The following NLGN1 variants were observed in gnomAD, a reference collection of about 807,000 sequenced individuals.
NLGN1 encodes neuroligin-1.
Under a neutral mutation model 65.5 loss-of-function variants are expected in NLGN1, and 12 were observed. The observed-to-expected ratio is 0.18, with a 90% CI of 0.12 to 0.30. The LOEUF (loss-of-function observed/expected upper bound fraction) is 0.30, where lower values mean the gene tolerates loss of function less well. Among genes scored for constraint, NLGN1 ranks in the 10% least tolerant of loss-of-function variants. The pLI is 1.00. For missense variants in NLGN1, 750 were observed against 1,007.1 expected, an observed-to-expected ratio of 0.74 and a Z score of 3.46; for synonymous variants, 350 against 359.5, an observed-to-expected ratio of 0.97 and a Z score of 0.30.
At chr3:173,957,069 A>G (rs1030983096) in intron 4 of NLGN1, among the ~76,000 whole-genome samples, 4 of 152,208 alleles carry the variant, frequency 2.6e-5, no homozygotes, top group African/African-American at 9.6e-5. Flanking sequence ...CAGAATTATG[A>G]TGCATATTAT....
At chr3:174,210,263 A>G (rs964799692) in intron 4 of NLGN1, among the ~76,000 whole-genome samples, 2 of 152,124 alleles carry the variant, frequency 1.3e-5, no homozygotes, top group African/African-American at 4.8e-5. Context: ...TACCACATTT[A>G]CTTTCTTATT....
intron 2 of NLGN1, among the ~76,000 whole-genome samples, chr3:173,562,080 A>G (rs1481089939): frequency 1.3e-5 from 2 of 152,220 alleles, no homozygotes; most frequent in African/African-American, 4.8e-5. Flanking sequence ...TTAGACAGCA[A>G]GAATAACGTG....
At chr3:174,185,899 A>T (rs1376882311) in intron 4 of NLGN1, among the ~76,000 whole-genome samples, 1 of 151,922 alleles carries the variant, frequency 6.6e-6, no homozygotes, top group Non-Finnish European at 1.5e-5. Context: ...CCACTATTTT[A>T]TACTGTCTTA....
intron 3 of NLGN1, among the ~76,000 whole-genome samples, chr3:173,791,206 G>A (rs1578448942): frequency 1.3e-5 from 2 of 152,284 alleles, no homozygotes; most frequent in Middle Eastern, 6.8e-3. Context: ...AATTGGCCCA[G>A]CCAAAGCAAC....
chr3:173,550,028 A>C (rs1315325951), intron 2 of NLGN1, among the ~76,000 whole-genome samples: 1 of 152,076 alleles, frequency 6.6e-6, no homozygotes, highest in African/African-American at 2.4e-5. Context: ...CAACTGAGTT[A>C]AACTCTGAAA....
At chr3:173,896,983 C>G (rs1277499025) in intron 4 of NLGN1, among the ~76,000 whole-genome samples, 6 of 152,210 alleles carry the variant, frequency 3.9e-5, no homozygotes, top group African/African-American at 1.4e-4. Flanking sequence ...CCCTCAACAC[C>G]TCACTATAAA....
intron 2 of NLGN1, among the ~76,000 whole-genome samples, chr3:173,447,947 T>A (rs575750111): frequency 6.6e-6 from 1 of 152,196 alleles, no homozygotes; most frequent in South Asian, 2.1e-4. Context: ...GCTTATCAGC[T>A]AAGGAGATTT....
rs1438188209 is a variant in NLGN1, at chr3:173,493,782, CAAAT to C, written c.-321+58706_-321+58709del. On this transcript the variant is annotated intron_variant, in intron 2 of 6. Transcript: ENST00000457714. ...GATAGTCAACAACTATTCTATGAAACAAATACACATAGAAAAAGATTTGACATGT... is the reference window on the plus strand; with the variant it reads ...GATAGTCAACAACTATTCTATGAAACACACATAGAAAAAGATTTGACATGT... Among the ~76,000 whole-genome samples the C allele has an allele frequency of 5.3e-5, 8 of 151,446 alleles. 1 individual carries two copies. Among genetic ancestry groups the C allele is most frequent in the African/African-American group, 2.0e-4 (8 of 40,980 alleles).
At chr3:173,445,041 G>C (rs1304414841) in intron 2 of NLGN1, among the ~76,000 whole-genome samples, 2 of 151,588 alleles carry the variant, frequency 1.3e-5, no homozygotes, top group African/African-American at 4.8e-5. Flanking sequence ...GGCCGAGGCG[G>C]GCGGATCACG....
chr3:173,670,395 G>T (rs1490583104), intron 3 of NLGN1, among the ~76,000 whole-genome samples: 2 of 152,078 alleles, frequency 1.3e-5, no homozygotes, highest in Non-Finnish European at 2.9e-5. Context: ...GTTTACAGGA[G>T]GATTATGAAG....
chr3:173,807,798 C>T (rs148161018), exon 4 of NLGN1: 12 of 1,613,210 alleles, frequency 7.4e-6, no homozygotes, highest in East Asian at 2.2e-5. Context: ...GCAATGTGAT[C>T]GTCATCACAG....
chr3:173,649,442 A>G (rs557558205), intron 3 of NLGN1, among the ~76,000 whole-genome samples: 13 of 152,208 alleles, frequency 8.5e-5, no homozygotes, highest in African/African-American at 3.1e-4. Context: ...GTCAAAACAT[A>G]TCAAATTACA....
At chr3:173,867,602 T>A (rs1730411286) in intron 4 of NLGN1, among the ~76,000 whole-genome samples, 1 of 152,062 alleles carries the variant, frequency 6.6e-6, no homozygotes, top group Non-Finnish European at 1.5e-5. Context: ...CATGGCATGT[T>A]AGTAAATTAA....
At chr3:174,184,549 T>C (rs1164771930) in intron 4 of NLGN1, among the ~76,000 whole-genome samples, 2 of 152,156 alleles carry the variant, frequency 1.3e-5, no homozygotes, top group Non-Finnish European at 2.9e-5. Flanking sequence ...ATAAGTTCAA[T>C]ATGTGTTGAA....
intron 4 of NLGN1, among the ~76,000 whole-genome samples, chr3:174,099,286 C>T (rs749539871): frequency 3.3e-5 from 5 of 151,520 alleles, no homozygotes; most frequent in Non-Finnish European, 7.4e-5. Flanking sequence ...TTGTAAGCAT[C>T]GTGAATGAAT....
intron 4 of NLGN1, among the ~76,000 whole-genome samples, chr3:173,981,971 T>A (rs1718883118): frequency 6.6e-6 from 1 of 152,150 alleles, no homozygotes. Flanking sequence ...TATTTATGAT[T>A]TTTGAAGTAC....
chr3:173,504,255 C>T (rs558919425), intron 2 of NLGN1, among the ~76,000 whole-genome samples: 8 of 152,112 alleles, frequency 5.3e-5, no homozygotes, highest in African/African-American at 1.9e-4. Flanking sequence ...TGAGTGTAAT[C>T]CACACACTTG....
intron 3 of NLGN1, among the ~76,000 whole-genome samples, chr3:173,775,773 A>G (rs894392887): frequency 1.3e-5 from 2 of 152,166 alleles, no homozygotes; most frequent in African/African-American, 2.4e-5. Flanking sequence ...AGTGGGAAAA[A>G]CACAACTAGA....
At chr3:173,481,033 A>G (rs1346977690) in intron 2 of NLGN1, among the ~76,000 whole-genome samples, 1 of 152,062 alleles carries the variant, frequency 6.6e-6, no homozygotes, top group Non-Finnish European at 1.5e-5. Context: ...TTAGATAGAT[A>G]TAATTGTTAT....
Sources: allele counts gnomAD v4.1 joint callset (sites outside exome capture counted in the v4.1 genomes callset), GRCh38; gene constraint gnomAD v4.1.1; transcripts MANE v1.5; gene names NCBI Gene and HGNC (gene_info 2026-07-23, HGNC 2026-07-21).